Variants in RAD54L2 observed in about 807,000 individuals in gnomAD.
The protein encoded by RAD54L2 is helicase ARIP4.
RAD54L2 carries 27 observed loss-of-function variants against 138.4 expected under a neutral mutation model. The ratio of observed to expected loss-of-function variants is 0.20; its 90% CI spans 0.14 to 0.27. The LOEUF is 0.27. RAD54L2 is among the 10% of genes least tolerant of loss of function. The pLI, the probability that RAD54L2 is intolerant of heterozygous loss-of-function variation, is 1.00. For synonymous variants in RAD54L2, 644 were observed against 723.2 expected (o/e 0.89, Z 1.76); for missense variants, 1,396 against 1,890.2 (o/e 0.74, Z 4.85).
chr3:51,624,722 A>G (rs553779657), intron 3 of RAD54L2, among the ~76,000 whole-genome samples: 15 of 152,324 alleles, frequency 9.8e-5, no homozygotes, highest in African/African-American at 3.6e-4. Context: ...GTCCTTACTG[A>G]ACCCCTATGC....
rs750744345 is a variant in RAD54L2, at chr3:51,656,001, T to G, written c.3057T>G (p.Pro1019=). 19 of 1,609,430 alleles carry G rather than the reference T, an allele frequency of 1.2e-5. No homozygotes were observed. The East Asian group carries it at 4.0e-4, about 34-fold the overall frequency. ...WQPTLKGDEK[P]VASVRPVQST... is the part of the protein sequence containing the mutation. ...CAACTTTGAAGGGTGATGAAAAGCCTGTGGCCAGTGTTCGTCCTGTGCAGT... is the reference window on the plus strand; with the variant it reads ...CAACTTTGAAGGGTGATGAAAAGCCGGTGGCCAGTGTTCGTCCTGTGCAGT... The change falls in exon 20 of 23, where the codon CCT becomes CCG. Residue 1019 remains proline, a synonymous_variant. Transcript: ENST00000684192.
At chr3:51,653,023 C>G (rs1577464277) in intron 19 of RAD54L2, among the ~76,000 whole-genome samples, 1 of 152,322 alleles carries the variant, frequency 6.6e-6, no homozygotes, top group East Asian at 1.9e-4. Flanking sequence ...TTTTTGCAAA[C>G]TACCCATCTG....
chr3:51,569,343 T>G (rs994390759), intron 2 of RAD54L2, among the ~76,000 whole-genome samples: 6 of 152,204 alleles, frequency 3.9e-5, no homozygotes, highest in Admixed American at 2.6e-4. Flanking sequence ...CACAAAATGA[T>G]GCATACTTCT....
intron 2 of RAD54L2, 109 bp downstream of exon 2, chr3:51,541,759 A>G (rs1698559204): frequency 6.6e-6 from 1 of 152,222 alleles, no homozygotes; most frequent in Non-Finnish European, 1.5e-5. Context: ...TGATCTATTA[A>G]AATGAAATTC....
intron 3 of RAD54L2, among the ~76,000 whole-genome samples, chr3:51,627,129 CT>C (rs1167742283): frequency 6.6e-6 from 1 of 152,164 alleles, no homozygotes; most frequent in Admixed American, 6.5e-5. Flanking sequence ...TGAGTGAATG[CT>C]TTAAGACAGA....
chr3:51,556,141 C>T (rs1398399084), intron 2 of RAD54L2, among the ~76,000 whole-genome samples: 3 of 152,102 alleles, frequency 2.0e-5, no homozygotes, highest in African/African-American at 4.8e-5. Context: ...CCTACATAAA[C>T]GATAGGACCA....
intron 22 of RAD54L2, among the ~76,000 whole-genome samples, chr3:51,660,714 C>A (rs2106856533): frequency 6.6e-6 from 1 of 151,390 alleles, no homozygotes; most frequent in South Asian, 2.1e-4. Context: ...CTCCTCCTCC[C>A]AGGTTCAAGT....
intron 2 of RAD54L2, among the ~76,000 whole-genome samples, chr3:51,552,356 G>A (rs1428818475): frequency 1.3e-5 from 2 of 151,222 alleles, no homozygotes; most frequent in African/African-American, 2.4e-5. Flanking sequence ...TCCGCCTCCC[G>A]GGTTCATGCC....
intron 21 of RAD54L2, among the ~76,000 whole-genome samples, chr3:51,659,231 G>C (rs949372299): frequency 6.8e-6 from 1 of 148,138 alleles, no homozygotes; most frequent in African/African-American, 2.5e-5. Context: ...TCAGCCTCCC[G>C]AGTAGCTGGG....
intron 2 of RAD54L2, among the ~76,000 whole-genome samples, chr3:51,575,256 T>C (rs1407904356): frequency 1.8e-4 from 28 of 152,220 alleles, no homozygotes; most frequent in Non-Finnish European, 4.0e-4. Flanking sequence ...TGTAGCCTTG[T>C]AGTATAGTTT....
intron 3 of RAD54L2, among the ~76,000 whole-genome samples, chr3:51,606,525 T>G (rs1700184037): frequency 6.6e-6 from 1 of 152,210 alleles, no homozygotes; most frequent in Admixed American, 6.5e-5. Flanking sequence ...TCTTCTAGCT[T>G]AGAGACTTTG....
In RAD54L2 at chr3:51,645,707, A is replaced by T; in HGVS notation, c.2773A>T (p.Ile925Phe). 6.2e-7 allele frequency: 1 copy of T among 1,612,858 alleles called. No individual in the cohort carries two copies. Among genetic ancestry groups the T allele is most frequent in the Non-Finnish European group, 8.5e-7 (1 of 1,179,510 alleles). ...CCAAGTTTCCTTGAACGTAAAGGGG[A>T]TCAAGGAGTCAGTCCTGCAACTGGC... ...APQVSLNVKG[I>F]KESVLQLACL... The change falls in exon 18 of 23, where the codon ATC becomes TTC. Residue 925 changes from isoleucine (I) to phenylalanine (F), a missense_variant. By Grantham distance (21) the Ile-to-Phe change is conservative. Transcript: ENST00000684192. The surrounding 1 kb of genome is among the most constrained non-coding windows in gnomAD (Gnocchi z 6.1).
intron 2 of RAD54L2, among the ~76,000 whole-genome samples, chr3:51,544,150 A>G (rs1329922855): frequency 6.6e-6 from 1 of 152,092 alleles, no homozygotes; most frequent in African/African-American, 2.4e-5. Flanking sequence ...GCACCTGACC[A>G]TTTCTGGCAC....
intron 2 of RAD54L2, among the ~76,000 whole-genome samples, chr3:51,547,055 G>A (rs1157926357): frequency 1.3e-5 from 2 of 151,408 alleles, no homozygotes; most frequent in African/African-American, 2.4e-5. Flanking sequence ...AAGAAAGGAA[G>A]TTGTTGGTTG....
intron 3 of RAD54L2, among the ~76,000 whole-genome samples, chr3:51,609,644 A>ACCC (rs1700284242): frequency 6.7e-6 from 1 of 148,688 alleles, no homozygotes; most frequent in African/African-American, 2.5e-5. Context: ...TGCTTGTGAA[A>ACCC]CCCCAGTCTT....
intron 2 of RAD54L2, among the ~76,000 whole-genome samples, chr3:51,548,819 T>C (rs1698763136): frequency 6.9e-6 from 1 of 144,200 alleles, no homozygotes; most frequent in Admixed American, 7.3e-5. Flanking sequence ...CCAGTAACTC[T>C]GCTTTTTTTT....
intron 3 of RAD54L2, among the ~76,000 whole-genome samples, chr3:51,609,490 A>C (rs1335841206): frequency 6.6e-6 from 1 of 152,164 alleles, no homozygotes; most frequent in Non-Finnish European, 1.5e-5. Context: ...GATCATTTAA[A>C]ATTTTCAGTT....
chr3:51,588,924 C>T (rs973110424), intron 2 of RAD54L2, among the ~76,000 whole-genome samples: 3 of 152,162 alleles, frequency 2.0e-5, no homozygotes, highest in Admixed American at 6.5e-5. Context: ...GATGTCTTTA[C>T]GGCTTCCTTC....
At position 51,639,430 on chromosome 3, in the gene RAD54L2, C is replaced by T. The variant is rs763748790; in HGVS notation, c.1872C>T (p.His624=). 7 of 1,613,922 alleles carry T rather than the reference C, an allele frequency of 4.3e-6. No individual in the cohort carries two copies. Among genetic ancestry groups the T allele is most frequent in the Admixed American group, 3.3e-5 (2 of 60,016 alleles). Residue 624 remains histidine, a synonymous_variant, in exon 13 of 23, where the codon CAC becomes CAT. Coordinates refer to ENST00000684192, the MANE Select transcript of RAD54L2 (RefSeq NM_015106.4). ...TCCTTGAACCTCAGATCTGGAATCA[C>T]CCTGATGTGCTGTATGAAGCCCTTC... ...AFCVCCKIWN[H]PDVLYEALQK...
Sources: allele counts gnomAD v4.1 joint callset (sites outside exome capture counted in the v4.1 genomes callset), GRCh38; gene constraint gnomAD v4.1.1; non-coding constraint Gnocchi (gnomAD v3.1); transcripts MANE v1.5; gene names NCBI Gene and HGNC (gene_info 2026-07-23, HGNC 2026-07-21).